Variants in THOC1 observed in about 807,000 individuals in gnomAD.
THOC1 encodes the protein THO complex subunit 1.
THOC1 carries 29 observed loss-of-function variants against 97.3 expected under a neutral mutation model. The ratio of observed to expected loss-of-function variants is 0.30; its 90% CI spans 0.22 to 0.41. The LOEUF (loss-of-function observed/expected upper bound fraction) is 0.41, where lower values mean the gene tolerates loss of function less well. Ranked by LOEUF, THOC1 falls within the 10% of genes least tolerant of loss-of-function variation. THOC1 has a pLI of 1.00. For synonymous variants in THOC1, 255 were observed against 257.0 expected, an observed-to-expected ratio of 0.99 and a Z score of 0.07; for missense variants, 529 against 761.9, an observed-to-expected ratio of 0.69 and a Z score of 3.60.
At chr18:243,052 T>C (rs954914034) in intron 11 of THOC1, among the ~76,000 whole-genome samples, 4 of 152,348 alleles carry the variant, frequency 2.6e-5, no homozygotes, top group South Asian at 4.1e-4. Flanking sequence ...GACAAAGTTG[T>C]TGCTTAAGGG....
intron 11 of THOC1, among the ~76,000 whole-genome samples, chr18:241,890 A>G (rs546582187): frequency 1.3e-5 from 2 of 152,300 alleles, no homozygotes; most frequent in Admixed American, 6.5e-5. Context: ...CTAACCTTAA[A>G]GAACAGATAC....
chr18:248,641 A>G (rs1912173069), intron 9 of THOC1, among the ~76,000 whole-genome samples: 1 of 152,270 alleles, frequency 6.6e-6, no homozygotes, highest in South Asian at 2.1e-4. Flanking sequence ...GTACATATCA[A>G]GTTAGCATCA....
Position 254,324 on chromosome 18 carries a change from T to C in THOC1, c.552A>G (p.Glu184=). ...GLNLQSQFNL[E]NVTVFNTNEQ... ...CATTTGTATTGAAAACAGTGACATT[T>C]TCCAGATTAAACTGACTCTGCAAGT... Residue 184 remains glutamate (E), a synonymous_variant, in exon 8 of 21, where the codon GAA becomes GAG. Coordinates refer to ENST00000261600, the MANE Select transcript of THOC1 (RefSeq NM_005131.3). This position sits in a 1 kb window ranked among gnomAD's most constrained non-coding sequence, Gnocchi z 4.1. 6.3e-7 allele frequency: 1 copy of C among 1,579,986 alleles called. No individual in the cohort carries two copies. The highest frequency in any genetic ancestry group is 1.3e-5 in the African/African-American group (1 of 74,396).
rs1294206493 is a variant in THOC1 at position 265,309 on chromosome 18, T to C, written c.183A>G (p.Glu61=). The change falls in exon 3 of 21, where the codon GAA becomes GAG. Residue 61 remains glutamate, a synonymous_variant. Coordinates refer to ENST00000261600, the MANE Select transcript of THOC1 (RefSeq NM_005131.3). The part of the protein sequence containing the change: ...LDQAFRGILE[E]EIINHSSCEN... ...AATGGAAAAACATACTTACAATTTC[T>C]TCTTCTAGAATACCTCTGAAAGCTT... 3.1e-6 allele frequency: 5 copies of C among 1,589,042 alleles called. No individual in the cohort carries two copies. In the East Asian group the frequency reaches 1.1e-4, roughly 36 times the overall value.
At position 248,838 on chromosome 18, in the gene THOC1, C is replaced by T. The variant is rs187152404; in HGVS notation, c.678-881G>A. Among the ~76,000 whole-genome samples the T allele has an allele frequency of 3.6e-3, 550 of 152,178 alleles. 5 individuals carry two copies. Among genetic ancestry groups the T allele is most frequent in the African/African-American group, 0.012 (518 of 41,516 alleles). On this transcript the variant is annotated intron_variant, in intron 9 of 20. Coordinates refer to ENST00000261600, the MANE Select transcript of THOC1 (RefSeq NM_005131.3). ...CGATCTCAGCTCACTGCAAGCTCCG[C>T]CTCCCGGGTTCAAGCGATTCTCCTG...
At chr18:216,307 CA>C in intron 19 of THOC1, 178 bp downstream of exon 19, 4 of 690,090 alleles carry the variant, frequency 5.8e-6, no homozygotes, top group Non-Finnish European at 9.7e-6. Context: ...ACTTCTTTAT[CA>C]ACTCATGTAT....
intron 9 of THOC1, among the ~76,000 whole-genome samples, chr18:251,333 C>G (rs532962748): frequency 6.6e-6 from 1 of 152,158 alleles, no homozygotes; most frequent in East Asian, 1.9e-4. Flanking sequence ...TCTCCCTGGG[C>G]AGATACAGGA....
At chr18:233,067 A>T (rs1911547433) in intron 11 of THOC1, among the ~76,000 whole-genome samples, 1 of 152,224 alleles carries the variant, frequency 6.6e-6, no homozygotes, top group Non-Finnish European at 1.5e-5. Flanking sequence ...AATCTTAAAT[A>T]CTAAATTGAT....
chr18:215,283 A>G, intron 20 of THOC1, 146 bp downstream of exon 20: 1 of 684,608 alleles, frequency 1.5e-6, no homozygotes, highest in Non-Finnish European at 2.5e-6. Flanking sequence ...TTATTAAGCA[A>G]TGTTTTAAAT....
chr18:224,824 A>G, intron 15 of THOC1, 100 bp downstream of exon 15: 1 of 960,582 alleles, frequency 1.0e-6, no homozygotes, highest in Non-Finnish European at 1.6e-6. Flanking sequence ...ATATACATGT[A>G]TTTTTACATG....
intron 11 of THOC1, among the ~76,000 whole-genome samples, chr18:227,608 G>GTTC (rs10648004): frequency 0.67 from 101,281 of 151,480 alleles, 33,957 homozygotes; most frequent in South Asian, 0.78. Flanking sequence ...TCATGAGGAA[G>GTTC]TTCTTCAACG....
At chr18:234,315 G>T (rs1261400711) in intron 11 of THOC1, among the ~76,000 whole-genome samples, 1 of 152,012 alleles carries the variant, frequency 6.6e-6, no homozygotes, top group African/African-American at 2.4e-5. Context: ...CTCCAGTACG[G>T]TGTTGAACAG....
At chr18:241,617 T>G (rs1911904632) in intron 11 of THOC1, among the ~76,000 whole-genome samples, 1 of 152,252 alleles carries the variant, frequency 6.6e-6, no homozygotes. Context: ...TGTATTATTC[T>G]GAAGGACTGG....
chr18:229,791 T>G (rs1200664525), intron 11 of THOC1, among the ~76,000 whole-genome samples: 1 of 152,294 alleles, frequency 6.6e-6, no homozygotes, highest in African/African-American at 2.4e-5. Context: ...TTGGCTTCCA[T>G]GAGTGCATGC....
chr18:232,890 T>C (rs1911533809), intron 11 of THOC1, among the ~76,000 whole-genome samples: 1 of 152,150 alleles, frequency 6.6e-6, no homozygotes, highest in African/African-American at 2.4e-5. Flanking sequence ...CTTTTTCTTA[T>C]CATCTTTTCA....
At chr18:265,684 C>A in intron 1 of THOC1, 154 bp from the exon 2 acceptor site, 1 of 601,154 alleles carries the variant, frequency 1.7e-6, no homozygotes, top group Non-Finnish European at 2.9e-6. Context: ...ATCCTTATTC[C>A]AATGCTACTT....
In THOC1 at chr18:214,791, C is replaced by T. The variant is rs376944584; in HGVS notation, c.1809G>A (p.Glu603=). The T allele has an allele frequency of 3.2e-5, 52 of 1,613,840 alleles. No homozygotes were observed. Among genetic ancestry groups the T allele is most frequent in the Non-Finnish European group, 4.1e-5 (48 of 1,179,868 alleles). ...EMKDSEIRQI[E]CDSEDMKMRA... ...TCATCTTCATGTCTTCACTGTCACA[C>T]TCAATCTGCCTAATTTCTGAGTCTT... The change falls in exon 21 of 21, where the codon GAG becomes GAA. Residue 603 remains glutamate (E), a synonymous_variant. Coordinates refer to ENST00000261600, the MANE Select transcript of THOC1 (RefSeq NM_005131.3).
At chr18:266,457 A>C (rs659997) in intron 1 of THOC1, among the ~76,000 whole-genome samples, 32,140 of 152,070 alleles carry the variant, frequency 0.21, 3,579 homozygotes, top group Non-Finnish European at 0.23. Context: ...CTTACTGAAC[A>C]AGAATCTGCA....
chr18:253,900 A>T (rs1329897279), intron 8 of THOC1, among the ~76,000 whole-genome samples: 1 of 137,842 alleles, frequency 7.3e-6, no homozygotes, highest in African/African-American at 2.7e-5. Context: ...CATTTACATG[A>T]AATTTTTTTT....
Sources: allele counts gnomAD v4.1 joint callset (sites outside exome capture counted in the v4.1 genomes callset), GRCh38; gene constraint gnomAD v4.1.1; non-coding constraint Gnocchi (gnomAD v3.1); transcripts MANE v1.5; gene names NCBI Gene and HGNC (gene_info 2026-07-23, HGNC 2026-07-21).